ARHGAP10: variants seen among roughly 807,000 people sequenced by gnomAD.
ARHGAP10 encodes the protein Rho GTPase activating protein 10.
ARHGAP10 carries 87 observed loss-of-function variants against 108.6 expected under a neutral mutation model. That is an observed-to-expected ratio of 0.80 (90% confidence interval 0.67 to 0.96). ARHGAP10 has a LOEUF of 0.96. ARHGAP10 is among the 40% of genes least tolerant of loss of function. ARHGAP10 has a pLI of 0.00. For missense variants in ARHGAP10, 939 were observed against 954.5 expected (o/e 0.98, Z 0.21); for synonymous variants, 347 against 341.1 (o/e 1.02, Z -0.19).
intron 1 of ARHGAP10, among the ~76,000 whole-genome samples, chr4:147,757,067 T>C (rs756361222): frequency 5.3e-5 from 8 of 151,994 alleles, no homozygotes; most frequent in Non-Finnish European, 1.2e-4. Flanking sequence ...ACCTGGGCTA[T>C]AGTGGCTTCT....
chr4:147,917,566 AGTTT>A (rs1262359343), intron 13 of ARHGAP10, among the ~76,000 whole-genome samples: 2 of 152,202 alleles, frequency 1.3e-5, no homozygotes, highest in African/African-American at 4.8e-5. Context: ...GCCATAAGTT[AGTTT>A]TTTTCTGAAG....
intron 3 of ARHGAP10, among the ~76,000 whole-genome samples, chr4:147,831,991 A>G (rs1202621812): frequency 6.6e-6 from 1 of 152,052 alleles, no homozygotes; most frequent in East Asian, 1.9e-4. Flanking sequence ...CCCTGTTGAA[A>G]CTTACATTTC....
intron 7 of ARHGAP10, among the ~76,000 whole-genome samples, chr4:147,871,855 C>G (rs1225666840): frequency 6.6e-6 from 1 of 152,068 alleles, no homozygotes; most frequent in Non-Finnish European, 1.5e-5. Flanking sequence ...AATCCCAGCA[C>G]TTTGGGACAT....
intron 1 of ARHGAP10, among the ~76,000 whole-genome samples, chr4:147,779,050 A>G (rs1316853999): frequency 6.6e-6 from 1 of 152,202 alleles, no homozygotes; most frequent in African/African-American, 2.4e-5. Context: ...AGTGGTTCCC[A>G]GGGTTTGTGT....
chr4:147,807,499 G>A (rs983395577), intron 1 of ARHGAP10, among the ~76,000 whole-genome samples: 3 of 151,838 alleles, frequency 2.0e-5, no homozygotes, highest in Admixed American at 2.0e-4. Context: ...GAAATGGTCA[G>A]GAACGTAAAG....
chr4:147,974,005 T>C (rs1432526303), intron 18 of ARHGAP10, among the ~76,000 whole-genome samples: 1 of 152,126 alleles, frequency 6.6e-6, no homozygotes, highest in Non-Finnish European at 1.5e-5. Flanking sequence ...ATCATGGGAG[T>C]GCAGATATCT....
intron 16 of ARHGAP10, among the ~76,000 whole-genome samples, chr4:147,964,183 T>A (rs943882626): frequency 2.6e-5 from 4 of 152,176 alleles, no homozygotes; most frequent in Non-Finnish European, 5.9e-5. Flanking sequence ...ACGAGCCTCC[T>A]CTGCGGGCCC....
chr4:148,050,927 G>A (rs1729108787), intron 20 of ARHGAP10, among the ~76,000 whole-genome samples: 1 of 152,092 alleles, frequency 6.6e-6, no homozygotes, highest in Non-Finnish European at 1.5e-5. Context: ...CTCTACTCTG[G>A]GCTCTTAATA....
chr4:147,847,344 GA>G, intron 4 of ARHGAP10, 122 bp downstream of exon 4: 1 of 916,348 alleles, frequency 1.1e-6, no homozygotes, highest in Non-Finnish European at 1.7e-6. Flanking sequence ...TGTTTTGTTT[GA>G]AATGTGCTTT....
intron 1 of ARHGAP10, among the ~76,000 whole-genome samples, chr4:147,814,385 T>G (rs771974391): frequency 1.3e-5 from 2 of 152,172 alleles, no homozygotes; most frequent in Non-Finnish European, 2.9e-5. Context: ...AACTGTTGGC[T>G]TTGATTGGGA....
intron 14 of ARHGAP10, among the ~76,000 whole-genome samples, chr4:147,944,546 C>CT (rs1449587055): frequency 8.5e-5 from 13 of 152,296 alleles, no homozygotes; most frequent in Non-Finnish European, 1.3e-4. Flanking sequence ...AAGCCTAAAA[C>CT]TTTTTAAGTA....
At chr4:147,801,323 A>G (rs1014593477) in intron 1 of ARHGAP10, among the ~76,000 whole-genome samples, 5 of 152,186 alleles carry the variant, frequency 3.3e-5, no homozygotes, top group Admixed American at 6.5e-5. Context: ...TGAATCCACT[A>G]TTTGTTTCTT....
At chr4:147,824,666 C>T (rs1056706812) in intron 3 of ARHGAP10, among the ~76,000 whole-genome samples, 2 of 152,076 alleles carry the variant, frequency 1.3e-5, no homozygotes, top group African/African-American at 4.8e-5. Context: ...TGAGTGCAGG[C>T]AGGGGAAATG....
chr4:147,773,762 A>G (rs542744435), intron 1 of ARHGAP10, among the ~76,000 whole-genome samples: 1 of 152,194 alleles, frequency 6.6e-6, no homozygotes, highest in Non-Finnish European at 1.5e-5. Flanking sequence ...TTGATTCTCT[A>G]CCTTGGTTCT....
At chr4:147,778,742 ATC>A (rs1281430607) in intron 1 of ARHGAP10, among the ~76,000 whole-genome samples, 1 of 152,130 alleles carries the variant, frequency 6.6e-6, no homozygotes, top group Non-Finnish European at 1.5e-5. Flanking sequence ...ATTTTATAAA[ATC>A]TGTTTGTAAT....
chr4:147,762,599 C>T (rs542399739), intron 1 of ARHGAP10, among the ~76,000 whole-genome samples: 30 of 151,650 alleles, frequency 2.0e-4, no homozygotes, highest in African/African-American at 4.6e-4. Context: ...GGCGCAATCT[C>T]GGCTCCTGCA....
chr4:147,974,910 A>G (rs1241980851), intron 18 of ARHGAP10, among the ~76,000 whole-genome samples: 1 of 151,844 alleles, frequency 6.6e-6, no homozygotes, highest in Non-Finnish European at 1.5e-5. Context: ...ATCTCATGAG[A>G]CTTACTATCA....
At chr4:147,930,179 G>A (rs1737622973) in intron 13 of ARHGAP10, among the ~76,000 whole-genome samples, 2 of 152,074 alleles carry the variant, frequency 1.3e-5, no homozygotes, top group Admixed American at 6.6e-5. Context: ...CAGAACCATG[G>A]AATTTGAGAA....
intron 15 of ARHGAP10, among the ~76,000 whole-genome samples, chr4:147,951,676 C>G (rs1347240899): frequency 1.3e-5 from 2 of 151,724 alleles, no homozygotes; most frequent in Admixed American, 1.3e-4. Context: ...TGGTCTTAAA[C>G]TCGTCGTCTC....
Sources: allele counts gnomAD v4.1 joint callset (sites outside exome capture counted in the v4.1 genomes callset), GRCh38; gene constraint gnomAD v4.1.1; transcripts MANE v1.5; gene names NCBI Gene and HGNC (gene_info 2026-07-23, HGNC 2026-07-21).